VWC2: variants seen among roughly 807,000 people sequenced by gnomAD.
The protein encoded by VWC2 is brorin.
A neutral mutation model predicts 29.8 loss-of-function variants in VWC2; 14 were observed. The observed-to-expected ratio is 0.47, with a 90% CI of 0.31 to 0.74. The LOEUF (loss-of-function observed/expected upper bound fraction) is 0.74. Ranked by LOEUF, VWC2 falls within the 30% of genes least tolerant of loss-of-function variation. The probability of loss-of-function intolerance (pLI) is 0.05; values close to 1 mark genes in which losing one functional copy is unlikely to be tolerated. For synonymous variants in VWC2, 213 were observed against 199.0 expected (o/e 1.07, Z -0.59); for missense variants, 457 against 459.8 (o/e 0.99, Z 0.05).
intron 3 of VWC2, among the ~76,000 whole-genome samples, chr7:49,849,675 T>C (rs1790096844): frequency 2.0e-5 from 3 of 152,242 alleles, no homozygotes. Flanking sequence ...TTTCACCATT[T>C]GGTAGTGCCC....
intron 2 of VWC2, among the ~76,000 whole-genome samples, chr7:49,781,052 A>G (rs1228256003): frequency 6.6e-6 from 1 of 152,222 alleles, no homozygotes; most frequent in East Asian, 1.9e-4. Context: ...CTTTTGGCTG[A>G]TGTTACTTAA....
At chr7:49,806,568 A>G (rs1289549657) in intron 3 of VWC2, among the ~76,000 whole-genome samples, 1 of 152,248 alleles carries the variant, frequency 6.6e-6, no homozygotes, top group Non-Finnish European at 1.5e-5. Context: ...ATAAACACTG[A>G]GACGTCAAAT....
rs1440638772 is a variant in VWC2 at position 49,775,618 on chromosome 7, G to A, written c.183G>A (p.Glu61=). 6 of 1,531,290 alleles carry A rather than the reference G, an allele frequency of 3.9e-6. No individual in the cohort carries two copies. Among genetic ancestry groups the A allele is most frequent in the Non-Finnish European group, 5.3e-6 (6 of 1,141,926 alleles). The allele number at this position is 1,531,290 out of a possible 1,614,324, so 94.9% of individuals were successfully genotyped here. ...GGGACGGCCCGGGGCGGGTGAACGA[G>A]CTCGGGCGCCCGGCGAGGGACGAGG... is the stretch of plus-strand genomic sequence containing the variant. ...ASRDGPGRVN[E]LGRPARDEGG... is the part of the protein sequence containing the mutation. Residue 61 remains glutamate (E), a synonymous_variant, in exon 2 of 4, where the codon GAG becomes GAA. Transcript: ENST00000340652.
chr7:49,883,403 A>T (rs1213941959), intron 3 of VWC2, among the ~76,000 whole-genome samples: 1 of 152,178 alleles, frequency 6.6e-6, no homozygotes, highest in Non-Finnish European at 1.5e-5. Context: ...TAGGAAAAAC[A>T]ATTTGGAAAA....
chr7:49,863,906 C>T (rs903536646), intron 3 of VWC2, among the ~76,000 whole-genome samples: 1 of 151,880 alleles, frequency 6.6e-6, no homozygotes, highest in African/African-American at 2.4e-5. Context: ...CATAAATTTC[C>T]CTTTTAGCAT....
chr7:49,909,872 G>A (rs1168964526), intron 3 of VWC2, among the ~76,000 whole-genome samples: 1 of 152,272 alleles, frequency 6.6e-6, no homozygotes, highest in East Asian at 1.9e-4. Flanking sequence ...GGGAGGTCAA[G>A]GCGGGAGGAT....
chr7:49,909,106 C>T (rs184116148), intron 3 of VWC2, among the ~76,000 whole-genome samples: 2 of 152,174 alleles, frequency 1.3e-5, no homozygotes, highest in East Asian at 1.9e-4. Flanking sequence ...TTAAGGCACA[C>T]AATAATTAAT....
intron 2 of VWC2, among the ~76,000 whole-genome samples, chr7:49,780,709 G>A (rs1788154555): frequency 6.6e-6 from 1 of 152,136 alleles, no homozygotes; most frequent in Non-Finnish European, 1.5e-5. Context: ...TGAAGAAAAA[G>A]GGAAGATGAA....
At chr7:49,845,299 A>T (rs1789909795) in intron 3 of VWC2, among the ~76,000 whole-genome samples, 1 of 152,182 alleles carries the variant, frequency 6.6e-6, no homozygotes, top group East Asian at 1.9e-4. Flanking sequence ...GAAGGAAAAA[A>T]AAAAGGTGAT....
chr7:49,865,742 A>G (rs1039185832), intron 3 of VWC2, among the ~76,000 whole-genome samples: 2 of 152,218 alleles, frequency 1.3e-5, no homozygotes, highest in Non-Finnish European at 2.9e-5. Context: ...ACAGAGGTCT[A>G]TTATGGTAAC....
intron 3 of VWC2, among the ~76,000 whole-genome samples, chr7:49,815,996 G>T (rs371993195): frequency 1.6e-4 from 24 of 152,280 alleles, no homozygotes; most frequent in East Asian, 1.2e-3. Flanking sequence ...GAGAATGCCT[G>T]CTGCAGAGTG....
At chr7:49,853,280 C>G (rs1790271742) in intron 3 of VWC2, among the ~76,000 whole-genome samples, 1 of 152,210 alleles carries the variant, frequency 6.6e-6, no homozygotes, top group Admixed American at 6.5e-5. Context: ...CTGTAGTCTC[C>G]CTTAGGAACC....
intron 2 of VWC2, among the ~76,000 whole-genome samples, chr7:49,781,359 AAT>A (rs1250711011): frequency 6.6e-6 from 1 of 152,180 alleles, no homozygotes; most frequent in East Asian, 1.9e-4. Context: ...TGTTCCATAC[AAT>A]ATCTGATGTG....
intron 3 of VWC2, among the ~76,000 whole-genome samples, chr7:49,819,003 A>C (rs1019210883): frequency 1.3e-5 from 2 of 152,188 alleles, no homozygotes; most frequent in African/African-American, 4.8e-5. Flanking sequence ...CACATGTCCC[A>C]AAACCCAAAC....
At chr7:49,829,954 T>C (rs542768617) in intron 3 of VWC2, among the ~76,000 whole-genome samples, 2 of 152,352 alleles carry the variant, frequency 1.3e-5, no homozygotes, top group East Asian at 3.9e-4. Flanking sequence ...TTTTGGGTTA[T>C]TGTAATTTTT....
intron 3 of VWC2, among the ~76,000 whole-genome samples, chr7:49,904,804 C>T (rs182145961): frequency 6.8e-5 from 10 of 147,398 alleles, no homozygotes; most frequent in East Asian, 6.0e-4. Flanking sequence ...GGCGCGATCT[C>T]GGCTCACTGC....
At chr7:49,824,739 A>G (rs1447871170) in intron 3 of VWC2, among the ~76,000 whole-genome samples, 2 of 152,130 alleles carry the variant, frequency 1.3e-5, no homozygotes, top group African/African-American at 2.4e-5. Flanking sequence ...AGTAATATTT[A>G]TGGTTTTTAT....
At chr7:49,904,109 A>G (rs1194178190) in intron 3 of VWC2, among the ~76,000 whole-genome samples, 1 of 152,196 alleles carries the variant, frequency 6.6e-6, no homozygotes, top group Non-Finnish European at 1.5e-5. Flanking sequence ...TGGAGCCACC[A>G]TCTTGAACAT....
intron 3 of VWC2, among the ~76,000 whole-genome samples, chr7:49,846,457 C>T (rs1036142491): frequency 1.3e-5 from 2 of 152,200 alleles, no homozygotes; most frequent in Non-Finnish European, 2.9e-5. Context: ...TTCTCCCTCA[C>T]TTCCACGTCT....
Sources: gnomAD v4.1 joint callset for allele counts (sites outside exome capture counted in the v4.1 genomes callset) on GRCh38, gnomAD v4.1.1 for gene constraint, MANE v1.5 for transcripts, NCBI Gene and HGNC (gene_info 2026-07-23, HGNC 2026-07-21) for gene names.